The following NPAS2 variants were observed in gnomAD, a reference collection of about 807,000 sequenced individuals.
The protein encoded by NPAS2 is neuronal PAS domain protein 2, also known as neuronal PAS domain-containing protein 2.
A neutral mutation model predicts 107.5 loss-of-function variants in NPAS2; 23 were observed. That is an observed-to-expected ratio of 0.21 (90% CI 0.15 to 0.30). NPAS2 has a LOEUF of 0.30. NPAS2 is among the 10% of genes least tolerant of loss of function. NPAS2 has a pLI of 1.00. For synonymous variants in NPAS2, 403 were observed against 417.5 expected, an observed-to-expected ratio of 0.97 and a Z score of 0.42; for missense variants, 756 against 1,043.3, an observed-to-expected ratio of 0.72 and a Z score of 3.79.
chr2:100,933,281 A>G (rs1396760453), intron 4 of NPAS2, among the ~76,000 whole-genome samples: 1 of 152,122 alleles, frequency 6.6e-6, no homozygotes, highest in Non-Finnish European at 1.5e-5. Flanking sequence ...GGGAGCCAGG[A>G]AGGGTGGGTT....
chr2:100,821,742 C>CT (rs2104299733), intron 1 of NPAS2, among the ~76,000 whole-genome samples: 1 of 152,224 alleles, frequency 6.6e-6, no homozygotes, highest in South Asian at 2.1e-4. Flanking sequence ...CACATTCAAG[C>CT]GCACACACTA....
intron 3 of NPAS2, 24 bp downstream of exon 3, chr2:100,925,318 T>G: frequency 6.2e-7 from 1 of 1,611,882 alleles, no homozygotes; most frequent in Non-Finnish European, 8.5e-7. Context: ...TTCTCTCTGT[T>G]TTTTTTCCAC....
chr2:100,879,899 G>A lies in NPAS2; in HGVS notation c.-22-24834G>A, dbSNP rs577713159. 1.0e-3 allele frequency among the ~76,000 whole-genome samples: 159 copies of A among 152,324 alleles called. 1 individual carries two copies. Among genetic ancestry groups the A allele is most frequent in the African/African-American group, 3.6e-3 (150 of 41,582 alleles). ...GGGGTTGGCCACTGGTGGCCTGCACGGCTGAGGGCTGGTCCCTCCACACAG... is the reference window on the plus strand; with the variant it reads ...GGGGTTGGCCACTGGTGGCCTGCACAGCTGAGGGCTGGTCCCTCCACACAG... On this transcript the variant is annotated intron_variant, in intron 1 of 20. Coordinates refer to ENST00000335681, the MANE Select transcript of NPAS2 (RefSeq NM_002518.4).
chr2:100,900,138 A>G (rs994807130), intron 1 of NPAS2, among the ~76,000 whole-genome samples: 2 of 152,246 alleles, frequency 1.3e-5, no homozygotes, highest in Non-Finnish European at 2.9e-5. Flanking sequence ...ATCAGAAGAC[A>G]CCATCCAAAA....
chr2:100,971,858 GA>G (rs904321881), intron 12 of NPAS2, among the ~76,000 whole-genome samples: 21 of 139,484 alleles, frequency 1.5e-4, no homozygotes, highest in African/African-American at 2.6e-4. Flanking sequence ...AATGTTGGGA[GA>G]AAAAAAAAAG....
At chr2:100,971,298 CAAAAAAAAAA>C (rs35040339) in intron 12 of NPAS2, among the ~76,000 whole-genome samples, 2,419 of 102,566 alleles carry the variant, frequency 0.024, 79 homozygotes, top group African/African-American at 0.085. Flanking sequence ...GACTCTATCT[CAAAAAAAAAA>C]AAAAAAAAAA....
chr2:100,949,184 T>C (rs1675078407), intron 6 of NPAS2, among the ~76,000 whole-genome samples, 183 bp from the exon 7 acceptor site: 1 of 152,134 alleles, frequency 6.6e-6, no homozygotes, highest in Non-Finnish European at 1.5e-5. Context: ...ATCTATGAAC[T>C]ATGGAAGGAA....
intron 1 of NPAS2, among the ~76,000 whole-genome samples, chr2:100,827,251 T>C (rs576534473): frequency 5.9e-5 from 9 of 152,154 alleles, no homozygotes; most frequent in Non-Finnish European, 1.2e-4. Flanking sequence ...CTAAGAAGCT[T>C]TGTTGCTTTT....
In NPAS2 at chr2:100,820,449, G is replaced by A. The variant is rs1273325510; in HGVS notation, c.-23+35G>A. On this transcript the variant is annotated intron_variant, in intron 1 of 20. Coordinates refer to ENST00000335681, the MANE Select transcript of NPAS2 (RefSeq NM_002518.4). The surrounding 1 kb of genome is among the most constrained non-coding windows in gnomAD (Gnocchi z 5.6). ...CGCGCCTAGGGGCGCGGGGGACCCA[G>A]GGTGGGTAGTACGTGCGCGCGGGGT... 6.6e-6 allele frequency: 1 copy of A among 150,964 alleles called. No homozygotes were observed. Among genetic ancestry groups the A allele is most frequent in the African/African-American group, 2.4e-5 (1 of 41,196 alleles). 9.4% of individuals were successfully genotyped at this position (150,964 alleles called of 1,614,324 possible).
rs1464253261 is a variant in NPAS2 at position 100,993,359 on chromosome 2, C to A, written c.2124C>A (p.Ser708Arg). 2 of 1,597,592 alleles carry A rather than the reference C, an allele frequency of 1.3e-6. No homozygotes were observed. Among genetic ancestry groups the A allele is most frequent in the Non-Finnish European group, 1.7e-6 (2 of 1,167,864 alleles). ...CCACGTGAAACAGGTACGCCCAGAG[C>A]CAGACCGTGTTTCAAAATCCAGACG... ...RTGRQVKYAQSQTVFQNPDAH... is the reference protein window; with the variant it reads ...RTGRQVKYAQRQTVFQNPDAH... The change falls in exon 20 of 21, where the codon AGC becomes AGA. Residue 708 changes from serine (S) to arginine (R), a missense_variant. Physicochemically the swap from Ser to Arg is moderately radical, Grantham distance 110. Transcript: ENST00000335681.
At chr2:100,972,017 G>A (rs191478053) in intron 12 of NPAS2, among the ~76,000 whole-genome samples, 113 of 149,498 alleles carry the variant, frequency 7.6e-4, no homozygotes, top group Admixed American at 1.5e-3. Flanking sequence ...TCTCGATCTC[G>A]GCTCACTGCA....
chr2:100,922,763 A>G (rs1683312942), intron 2 of NPAS2, among the ~76,000 whole-genome samples: 1 of 152,182 alleles, frequency 6.6e-6, no homozygotes, highest in Admixed American at 6.5e-5. Context: ...GCTGACAGCG[A>G]CCAGTTTCCA....
intron 1 of NPAS2, among the ~76,000 whole-genome samples, chr2:100,841,801 AATAC>A (rs1677420823): frequency 6.6e-6 from 1 of 152,168 alleles, no homozygotes; most frequent in Admixed American, 6.5e-5. Flanking sequence ...CGCATGCACA[AATAC>A]ATGTATATAC....
At chr2:100,890,448 A>C (rs535441591) in intron 1 of NPAS2, among the ~76,000 whole-genome samples, 3 of 152,226 alleles carry the variant, frequency 2.0e-5, no homozygotes, top group African/African-American at 7.2e-5. Flanking sequence ...CAGGGACCCT[A>C]GCCTACGGGG....
intron 15 of NPAS2, among the ~76,000 whole-genome samples, chr2:100,978,108 C>T (rs1417806611): frequency 6.6e-6 from 1 of 152,062 alleles, no homozygotes; most frequent in African/African-American, 2.4e-5. Context: ...ACCTGTCACC[C>T]GAGCAGTGTA....
intron 1 of NPAS2, among the ~76,000 whole-genome samples, chr2:100,848,173 C>T (rs1458692641): frequency 6.6e-6 from 1 of 152,106 alleles, no homozygotes; most frequent in Non-Finnish European, 1.5e-5. Flanking sequence ...GGAGATTCGA[C>T]TGGACTCATG....
intron 2 of NPAS2, among the ~76,000 whole-genome samples, chr2:100,906,566 C>T (rs1319198752): frequency 6.6e-6 from 1 of 152,226 alleles, no homozygotes; most frequent in Non-Finnish European, 1.5e-5. Context: ...GAATATGCAG[C>T]ACACTTTACA....
intron 2 of NPAS2, among the ~76,000 whole-genome samples, chr2:100,908,394 C>A (rs1207315949): frequency 6.6e-6 from 1 of 152,064 alleles, no homozygotes; most frequent in African/African-American, 2.4e-5. Context: ...TTATTCTTAG[C>A]CCCATTTTAC....
At chr2:100,943,071 G>C (rs1267818137) in intron 5 of NPAS2, among the ~76,000 whole-genome samples, 1 of 152,202 alleles carries the variant, frequency 6.6e-6, no homozygotes, top group African/African-American at 2.4e-5. Context: ...GGACTGACTA[G>C]ATGTAGAATG....
Sources: allele counts gnomAD v4.1 joint callset (sites outside exome capture counted in the v4.1 genomes callset), GRCh38; gene constraint gnomAD v4.1.1; non-coding constraint Gnocchi (gnomAD v3.1); transcripts MANE v1.5; gene names NCBI Gene and HGNC (gene_info 2026-07-23, HGNC 2026-07-21).